ZBTB20: variants seen among roughly 807,000 people sequenced by gnomAD.
ZBTB20 encodes the protein zinc finger and BTB domain containing 20, also known as zinc finger and BTB domain-containing protein 20.
ZBTB20 carries 9 observed loss-of-function variants against 56.9 expected under a neutral mutation model. The observed-to-expected ratio is 0.16, with a 90% CI of 0.10 to 0.28. The LOEUF is 0.28. ZBTB20 is among the 10% of genes least tolerant of loss of function. ZBTB20 has a pLI of 1.00. For missense variants in ZBTB20, 655 were observed against 1,003.0 expected (o/e 0.65, Z 4.69); for synonymous variants, 417 against 420.7 (o/e 0.99, Z 0.11).
intron 8 of ZBTB20, among the ~76,000 whole-genome samples, chr3:114,382,067 G>A (rs1429770111): frequency 6.6e-6 from 1 of 152,314 alleles, no homozygotes; most frequent in South Asian, 2.1e-4. Context: ...TAAAACCAAT[G>A]CTTTCTCTAA....
intron 1 of ZBTB20, among the ~76,000 whole-genome samples, chr3:115,107,924 G>A (rs558247612): frequency 1.3e-5 from 2 of 152,262 alleles, no homozygotes; most frequent in South Asian, 2.1e-4. Flanking sequence ...CTCATATGTG[G>A]GAGCTGAACA....
intron 4 of ZBTB20, among the ~76,000 whole-genome samples, chr3:114,835,888 C>G (rs1478385843): frequency 6.6e-6 from 1 of 152,042 alleles, no homozygotes; most frequent in Non-Finnish European, 1.5e-5. Context: ...ATAGCATTTC[C>G]CCTGGAGTTC....
intron 1 of ZBTB20, among the ~76,000 whole-genome samples, chr3:115,135,579 G>A (rs1278710741): frequency 6.6e-6 from 1 of 152,078 alleles, no homozygotes; most frequent in Non-Finnish European, 1.5e-5. Context: ...AAATCAATTT[G>A]CTGTAGTTTC....
At chr3:114,744,064 A>G (rs1296123490) in intron 5 of ZBTB20, among the ~76,000 whole-genome samples, 1 of 152,232 alleles carries the variant, frequency 6.6e-6, no homozygotes, top group East Asian at 1.9e-4. Context: ...CTGTTAAGGT[A>G]CCAACCACGC....
chr3:115,113,781 G>A (rs1420514607), intron 1 of ZBTB20, among the ~76,000 whole-genome samples: 3 of 152,042 alleles, frequency 2.0e-5, no homozygotes, highest in Non-Finnish European at 4.4e-5. Flanking sequence ...CAGCAGCAGC[G>A]GCAGCATAAT....
chr3:114,395,926 C>T (rs2086292846), intron 7 of ZBTB20, among the ~76,000 whole-genome samples: 1 of 152,106 alleles, frequency 6.6e-6, no homozygotes, highest in Non-Finnish European at 1.5e-5. Context: ...ACATCCCATG[C>T]CATGAGCGTT....
intron 7 of ZBTB20, among the ~76,000 whole-genome samples, chr3:114,394,094 C>T (rs753840049): frequency 6.6e-6 from 1 of 152,150 alleles, no homozygotes; most frequent in African/African-American, 2.4e-5. Flanking sequence ...GTAATAGTAA[C>T]AATAACAGCT....
Position 114,338,860 on chromosome 3 carries a change from G to C in ZBTB20, c.*145C>G. ...CAGGCAAAAAACAGTTCTTCATGTA[G>C]TACAAAATGAAACGAAACAAAAACA... On this transcript the variant is annotated 3_prime_UTR_variant, in exon 12 of 12. Transcript: ENST00000675478. The C allele has an allele frequency of 2.1e-6, 2 of 963,332 alleles. No homozygotes were observed. Among genetic ancestry groups the C allele is most frequent in the Non-Finnish European group, 2.9e-6 (2 of 682,178 alleles). 59.7% of individuals were successfully genotyped at this position (963,332 alleles called of 1,614,324 possible). A position where few individuals can be genotyped will look rare whatever the true frequency, so the allele number is the denominator to read the frequency against.
intron 6 of ZBTB20, chr3:114,502,842 T>C (rs1214047884): frequency 2.0e-5 from 3 of 151,976 alleles, no homozygotes; most frequent in Admixed American, 6.6e-5. Flanking sequence ...CTCTCCTTTT[T>C]TGAACTTGCT....
chr3:114,992,447 G>A (rs1276488659), intron 2 of ZBTB20, among the ~76,000 whole-genome samples: 1 of 151,964 alleles, frequency 6.6e-6, no homozygotes, highest in Non-Finnish European at 1.5e-5. Context: ...TATTCAGTAT[G>A]ATGTTGCTAA....
At position 114,328,091 on chromosome 3, in the gene ZBTB20, C is replaced by G. The variant is rs943364572; in HGVS notation, c.*10914G>C. 6.6e-6 allele frequency: 1 copy of G among 152,064 alleles called. No individual in the cohort carries two copies. Among genetic ancestry groups the G allele is most frequent in the Non-Finnish European group, 1.5e-5 (1 of 68,000 alleles). 9.4% of individuals were successfully genotyped at this position (152,064 alleles called of 1,614,324 possible). A position where few individuals can be genotyped will look rare whatever the true frequency, so the allele number is the denominator to read the frequency against. Reference sequence around the variant, plus strand: ...TGGCTCTTTAGGTATCCATTTAGCTCTGTTATTATTTTATTTAAGTATATA... The same window carrying G: ...TGGCTCTTTAGGTATCCATTTAGCTGTGTTATTATTTTATTTAAGTATATA... On this transcript the variant is annotated 3_prime_UTR_variant, in exon 12 of 12. Transcript: ENST00000675478.
intron 6 of ZBTB20, among the ~76,000 whole-genome samples, chr3:114,661,903 T>C (rs1221300445): frequency 6.7e-6 from 1 of 150,206 alleles, no homozygotes; most frequent in African/African-American, 2.5e-5. Flanking sequence ...ATTTTGCTTC[T>C]CTTTTTTTTT....
chr3:114,672,869 G>A (rs1032640169), intron 6 of ZBTB20, among the ~76,000 whole-genome samples: 5 of 152,054 alleles, frequency 3.3e-5, no homozygotes, highest in South Asian at 2.1e-4. Context: ...CAAAATATGG[G>A]TAAACATCAC....
At chr3:114,584,883 C>T (rs770909831) in intron 6 of ZBTB20, among the ~76,000 whole-genome samples, 9 of 152,038 alleles carry the variant, frequency 5.9e-5, no homozygotes, top group Non-Finnish European at 1.3e-4. Context: ...AGACCTGAAG[C>T]GTCTAGAAAG....
At chr3:114,482,267 C>G (rs1041586107) in intron 7 of ZBTB20, among the ~76,000 whole-genome samples, 1 of 152,142 alleles carries the variant, frequency 6.6e-6, no homozygotes. Context: ...ATGAGGTGGG[C>G]TCTCAGACAT....
At chr3:115,044,799 G>C (rs2081277488) in intron 2 of ZBTB20, among the ~76,000 whole-genome samples, 2 of 152,114 alleles carry the variant, frequency 1.3e-5, no homozygotes. Context: ...TCCCCAAAAT[G>C]GGCAGAATAA....
intron 5 of ZBTB20, among the ~76,000 whole-genome samples, chr3:114,728,988 G>A (rs1174976720): frequency 1.3e-5 from 2 of 152,090 alleles, no homozygotes; most frequent in Admixed American, 1.3e-4. Context: ...TAGGTGACAG[G>A]TTGATAGGTG....
At chr3:114,495,143 A>G (rs1230187309) in intron 7 of ZBTB20, among the ~76,000 whole-genome samples, 1 of 152,192 alleles carries the variant, frequency 6.6e-6, no homozygotes, top group Non-Finnish European at 1.5e-5. Context: ...CAACAATATA[A>G]CTGTTTTTCC....
chr3:114,476,151 T>C (rs1440034084), intron 7 of ZBTB20, among the ~76,000 whole-genome samples: 2 of 152,198 alleles, frequency 1.3e-5, no homozygotes, highest in Non-Finnish European at 2.9e-5. Flanking sequence ...CATACTATTA[T>C]AGGTTCTTCA....
Sources: allele counts gnomAD v4.1 joint callset (sites outside exome capture counted in the v4.1 genomes callset), GRCh38; gene constraint gnomAD v4.1.1; transcripts MANE v1.5; gene names NCBI Gene and HGNC (gene_info 2026-07-23, HGNC 2026-07-21).